Variants in C12orf42 observed in about 807,000 individuals in gnomAD.
The protein encoded by C12orf42 is chromosome 12 open reading frame 42.
Under a neutral mutation model 21.6 loss-of-function variants are expected in C12orf42, and 25 were observed. The observed-to-expected ratio is 1.16, with a 90% CI of 0.84 to 1.62. The LOEUF (loss-of-function observed/expected upper bound fraction) is 1.62. Ranked by LOEUF, C12orf42 falls within the 40% of genes most tolerant of loss-of-function variation. The probability of loss-of-function intolerance (pLI) is 0.00; values close to 1 mark genes in which losing one functional copy is unlikely to be tolerated. For missense variants in C12orf42, 483 were observed against 459.3 expected, an observed-to-expected ratio of 1.05 and a Z score of -0.47; for synonymous variants, 174 against 175.0, an observed-to-expected ratio of 0.99 and a Z score of 0.05.
the C12orf42 span, among the ~76,000 whole-genome samples, chr12:103,166,039 C>A: frequency 8.8e-5 from 12 of 136,298 alleles, no homozygotes; most frequent in South Asian, 2.3e-4. Context: ...GACTCCGTCT[C>A]AAAAAAAAAA....
chr12:103,528,812 G>T, the C12orf42 span, among the ~76,000 whole-genome samples: 2 of 152,144 alleles, frequency 1.3e-5, no homozygotes, highest in Non-Finnish European at 2.9e-5. Context: ...CCAACTTTGT[G>T]CCAAATGCTA....
At chr12:103,285,020 G>A (rs981414530) in intron 4 of C12orf42, among the ~76,000 whole-genome samples, 2 of 152,128 alleles carry the variant, frequency 1.3e-5, no homozygotes, top group African/African-American at 4.8e-5. Context: ...TAGGATCAAT[G>A]CTCAAAGCAA....
intron 2 of C12orf42, among the ~76,000 whole-genome samples, chr12:103,413,864 T>C (rs1036709442): frequency 6.6e-6 from 1 of 152,192 alleles, no homozygotes; most frequent in South Asian, 2.1e-4. Flanking sequence ...TGTATGTGTA[T>C]ATTATATATA....
chr12:103,114,827 C>T, the C12orf42 span, among the ~76,000 whole-genome samples: 1 of 152,162 alleles, frequency 6.6e-6, no homozygotes, highest in Non-Finnish European at 1.5e-5. Flanking sequence ...GACATATCCA[C>T]CCAGGGACAG....
chr12:103,291,400 C>T (rs1223067469), intron 4 of C12orf42, among the ~76,000 whole-genome samples: 1 of 152,278 alleles, frequency 6.6e-6, no homozygotes, highest in East Asian at 1.9e-4. Flanking sequence ...CAGTTGTTGG[C>T]TTCATGCAGC....
the C12orf42 span, among the ~76,000 whole-genome samples, chr12:103,530,258 G>A: frequency 1.2e-4 from 19 of 152,194 alleles, no homozygotes; most frequent in Admixed American, 5.2e-4. Flanking sequence ...TCTGGAATCC[G>A]AACTGTCAGC....
At chr12:103,490,846 TTTA>T (rs940440512) in intron 1 of C12orf42, among the ~76,000 whole-genome samples, 2 of 152,148 alleles carry the variant, frequency 1.3e-5, no homozygotes, top group South Asian at 2.1e-4. Context: ...ATTATTCTTG[TTTA>T]TTATATTATT....
the C12orf42 span, chr12:103,159,668 T>A: frequency 6.6e-6 from 1 of 152,250 alleles, no homozygotes; most frequent in Non-Finnish European, 1.5e-5. Flanking sequence ...AAACACCATT[T>A]GCCATCCATT....
the C12orf42 span, among the ~76,000 whole-genome samples, chr12:103,129,286 A>G: frequency 6.6e-6 from 1 of 152,158 alleles, no homozygotes; most frequent in Non-Finnish European, 1.5e-5. Flanking sequence ...AGGAATGACT[A>G]TTGATTTTTT....
intron 10 of C12orf42, among the ~76,000 whole-genome samples, chr12:103,254,818 A>T (rs2034477761): frequency 6.6e-6 from 1 of 152,104 alleles, no homozygotes; most frequent in Non-Finnish European, 1.5e-5. Context: ...TTCTGGGCTG[A>T]ATACCTAGGT....
the C12orf42 span, among the ~76,000 whole-genome samples, chr12:103,203,305 T>C: frequency 1.3e-5 from 2 of 152,248 alleles, no homozygotes; most frequent in Admixed American, 1.3e-4. Flanking sequence ...TATCACAGGA[T>C]TTTTGTCATA....
At chr12:103,214,574 A>G in the C12orf42 span, among the ~76,000 whole-genome samples, 1 of 152,284 alleles carries the variant, frequency 6.6e-6, no homozygotes, top group African/African-American at 2.4e-5. Flanking sequence ...TTAAAAATTT[A>G]TCCTGAGTAA....
At chr12:103,338,598 C>T (rs930525247) in intron 4 of C12orf42, among the ~76,000 whole-genome samples, 1 of 152,212 alleles carries the variant, frequency 6.6e-6, no homozygotes, top group Non-Finnish European at 1.5e-5. Context: ...CTTTGTAGAG[C>T]CCCTCCACAA....
intron 1 of C12orf42, chr12:103,495,690 G>GC (rs1186223062): frequency 6.6e-6 from 1 of 152,068 alleles, no homozygotes; most frequent in East Asian, 1.9e-4. Context: ...GAGCTCCTTG[G>GC]CCCCCCACCC....
chr12:103,433,220 T>C (rs1263924060), intron 2 of C12orf42, among the ~76,000 whole-genome samples: 1 of 152,242 alleles, frequency 6.6e-6, no homozygotes, highest in Non-Finnish European at 1.5e-5. Flanking sequence ...TCTTTCTCCT[T>C]CCTTTCCTGT....
chr12:103,171,381 A>C, the C12orf42 span, among the ~76,000 whole-genome samples: 1 of 152,266 alleles, frequency 6.6e-6, no homozygotes, highest in South Asian at 2.1e-4. Flanking sequence ...ATATTTGTTG[A>C]ATAAAAGACT....
chr12:103,073,066 G>T, the C12orf42 span, among the ~76,000 whole-genome samples: 1 of 152,030 alleles, frequency 6.6e-6, no homozygotes, highest in Non-Finnish European at 1.5e-5. Context: ...TCCTTAGCAA[G>T]CTAATACAGG....
chr12:103,136,050 C>A, the C12orf42 span, among the ~76,000 whole-genome samples: 1 of 152,054 alleles, frequency 6.6e-6, no homozygotes, highest in Admixed American at 6.5e-5. Context: ...CTGGCCAGAG[C>A]AATCAGTCAA....
chr12:103,361,260 T>G (rs2044077361), intron 4 of C12orf42, among the ~76,000 whole-genome samples: 1 of 152,132 alleles, frequency 6.6e-6, no homozygotes, highest in African/African-American at 2.4e-5. Context: ...ACACCCTCAC[T>G]GAGGAACCTC....
Sources: allele counts gnomAD v4.1 joint callset (sites outside exome capture counted in the v4.1 genomes callset), GRCh38; gene constraint gnomAD v4.1.1; transcripts MANE v1.5; gene names NCBI Gene and HGNC (gene_info 2026-07-23, HGNC 2026-07-21).